GPAT4: variants seen among roughly 807,000 people sequenced by gnomAD.
GPAT4 encodes glycerol-3-phosphate acyltransferase 4.
Under a neutral mutation model 58.0 loss-of-function variants are expected in GPAT4, and 17 were observed. The ratio of observed to expected loss-of-function variants is 0.29; its 90% CI spans 0.20 to 0.44. The LOEUF (loss-of-function observed/expected upper bound fraction) is 0.44, where lower values mean the gene tolerates loss of function less well. GPAT4 is among the 20% of genes least tolerant of loss of function. GPAT4 has a pLI of 1.00. For missense variants in GPAT4, 377 were observed against 574.5 expected, an observed-to-expected ratio of 0.66 and a Z score of 3.51; for synonymous variants, 204 against 210.1, an observed-to-expected ratio of 0.97 and a Z score of 0.25.
chr8:41,621,126 C>A lies in GPAT4; in HGVS notation c.*125C>A. On this transcript the variant is annotated 3_prime_UTR_variant, in exon 13 of 13. Coordinates refer to ENST00000396987, the MANE Select transcript of GPAT4 (RefSeq NM_178819.4). Reference sequence around the variant, plus strand: ...AGGGCTCCCCGGGCTGCTCTGGATCCCAGGACTCCGGCTTTCGCCGAGCCG... The same window carrying A: ...AGGGCTCCCCGGGCTGCTCTGGATCACAGGACTCCGGCTTTCGCCGAGCCG... 9.6e-6 allele frequency: 13 copies of A among 1,361,230 alleles called. No individual in the cohort carries two copies. Among genetic ancestry groups the A allele is most frequent in the Non-Finnish European group, 1.3e-5 (13 of 1,012,334 alleles). The allele number at this position is 1,361,230 out of a possible 1,614,324, so 84.3% of individuals were successfully genotyped here. A position where few individuals can be genotyped will look rare whatever the true frequency, so the allele number is the denominator to read the frequency against.
intron 10 of GPAT4, among the ~76,000 whole-genome samples, chr8:41,617,868 G>A (rs576129063): frequency 1.6e-4 from 25 of 152,330 alleles, no homozygotes; most frequent in African/African-American, 6.0e-4. Context: ...CAGGCACTTT[G>A]TCCAGGCATT....
chr8:41,605,735 A>G (rs1424267155), intron 2 of GPAT4, among the ~76,000 whole-genome samples: 1 of 151,960 alleles, frequency 6.6e-6, no homozygotes, highest in Non-Finnish European at 1.5e-5. Flanking sequence ...ACCACACCTG[A>G]CTATTTTTGT....
intron 1 of GPAT4, among the ~76,000 whole-genome samples, chr8:41,582,675 G>GTC (rs1802554027): frequency 1.9e-5 from 1 of 53,616 alleles, no homozygotes; most frequent in Non-Finnish European, 4.2e-5. Context: ...GAGAGAGAGA[G>GTC]TGTGTGTGTG....
chr8:41,579,959 A>G (rs1307832891), intron 1 of GPAT4, among the ~76,000 whole-genome samples: 1 of 152,230 alleles, frequency 6.6e-6, no homozygotes, highest in Admixed American at 6.5e-5. Context: ...TGACTTGTCC[A>G]GAGCTGCAGG....
chr8:41,614,828 A>G, intron 9 of GPAT4, 135 bp from the exon 10 acceptor site: 1 of 712,006 alleles, frequency 1.4e-6, no homozygotes, highest in South Asian at 1.9e-5. Flanking sequence ...TTTTTAAGTT[A>G]GGGAGATGAC....
At position 41,622,528 on chromosome 8, in the gene GPAT4, G is replaced by C. The variant is rs1383857555; in HGVS notation, c.*1527G>C. 4.6e-5 allele frequency: 7 copies of C among 152,322 alleles called. No individual in the cohort carries two copies. The highest frequency in any genetic ancestry group is 1.7e-4 in the African/African-American group (7 of 41,460). The allele number at this position is 152,322 out of a possible 1,614,324, so 9.4% of individuals were successfully genotyped here. ...TCACTTGGGACCCATGCTCCCTCGT[G>C]GCACAGTCATGATGCCTCTCAGGAT... On this transcript the variant is annotated 3_prime_UTR_variant, in exon 13 of 13. Coordinates refer to ENST00000396987, the MANE Select transcript of GPAT4 (RefSeq NM_178819.4).
At chr8:41,613,602 G>C (rs1350339175) in intron 8 of GPAT4, among the ~76,000 whole-genome samples, 1 of 152,162 alleles carries the variant, frequency 6.6e-6, no homozygotes, top group Non-Finnish European at 1.5e-5. Flanking sequence ...TGAATCTGCT[G>C]TAAGTAATGC....
intron 2 of GPAT4, 147 bp from the exon 3 acceptor site, chr8:41,609,269 G>A (rs1803368504): frequency 2.5e-6 from 2 of 803,638 alleles, no homozygotes; most frequent in Non-Finnish European, 4.1e-6. Flanking sequence ...GGGAGAGGTG[G>A]TTTGAGTTTC....
chr8:41,620,841 C>T, intron 12 of GPAT4, 52 bp from the exon 13 acceptor site: 4 of 1,548,396 alleles, frequency 2.6e-6, no homozygotes, highest in South Asian at 1.2e-5. Flanking sequence ...ATGGTGTGAG[C>T]GTGGCTGGGA....
At chr8:41,619,217 C>G in intron 12 of GPAT4, 1 of 569,290 alleles carries the variant, frequency 1.8e-6, no homozygotes, top group Non-Finnish European at 3.1e-6. Context: ...GGGGTTTGAA[C>G]CAGTCTTCCA....
At chr8:41,579,076 A>C (rs765121576) in intron 1 of GPAT4, among the ~76,000 whole-genome samples, 1 of 152,238 alleles carries the variant, frequency 6.6e-6, no homozygotes, top group Non-Finnish European at 1.5e-5. Flanking sequence ...CATGTCTTGT[A>C]GATTCTATCT....
chr8:41,592,836 C>CTCCCCTT (rs1275776684), intron 1 of GPAT4, among the ~76,000 whole-genome samples: 4 of 152,172 alleles, frequency 2.6e-5, no homozygotes, highest in African/African-American at 9.7e-5. Flanking sequence ...AGGTCACACG[C>CTCCCCTT]TCCCCTTTTT....
At chr8:41,585,646 A>G (rs1443214868) in intron 1 of GPAT4, among the ~76,000 whole-genome samples, 3 of 152,316 alleles carry the variant, frequency 2.0e-5, no homozygotes, top group African/African-American at 4.8e-5. Flanking sequence ...ATTATTCCCA[A>G]TTTACAGATG....
At chr8:41,584,626 A>G (rs1212668169) in intron 1 of GPAT4, 1 of 152,238 alleles carries the variant, frequency 6.6e-6, no homozygotes, top group African/African-American at 2.4e-5. Flanking sequence ...CTCAGATTTC[A>G]AGAACTGGTA....
intron 1 of GPAT4, among the ~76,000 whole-genome samples, chr8:41,586,462 T>C (rs949254288): frequency 1.3e-5 from 2 of 152,234 alleles, no homozygotes; most frequent in African/African-American, 4.8e-5. Context: ...ATGGTAACTT[T>C]GTTTAACCAT....
In GPAT4 at chr8:41,611,975, C is replaced by T; in HGVS notation, c.684C>T (p.Ile228=). 1.2e-6 allele frequency: 2 copies of T among 1,614,178 alleles called. No individual in the cohort carries two copies. Among genetic ancestry groups the T allele is most frequent in the Non-Finnish European group, 1.7e-6 (2 of 1,180,026 alleles). The part of the protein sequence containing the change: ...YRICVRALTA[I]ITYHDRENRP... ...TCTGCGTGCGAGCGCTGACAGCCAT[C>T]ATCACCTACCATGACAGGTGAGAGC... Residue 228 remains isoleucine, a synonymous_variant, in exon 6 of 13, where the codon ATC becomes ATT. Coordinates refer to ENST00000396987, the MANE Select transcript of GPAT4 (RefSeq NM_178819.4).
At position 41,581,762 on chromosome 8, in the gene GPAT4, G is replaced by A. The variant is rs1802515679; in HGVS notation, c.-849+3484G>A. Among the ~76,000 whole-genome samples the A allele has an allele frequency of 2.0e-5, 3 of 150,628 alleles. No individual in the cohort carries two copies. In the South Asian group the frequency reaches 6.3e-4, roughly 31 times the overall value. On this transcript the variant is annotated intron_variant, in intron 1 of 12. Coordinates refer to ENST00000396987, the MANE Select transcript of GPAT4 (RefSeq NM_178819.4). ...TCCTGCCTTAGCCTCCTCAGTAGCT[G>A]GGATTACAGGCGCCTGCCACCACGC...
intron 10 of GPAT4, chr8:41,618,411 A>C: frequency 2.0e-6 from 1 of 498,968 alleles, no homozygotes. Context: ...ACCTGAAACT[A>C]ATCAAGGAGG....
chr8:41,612,805 A>G (rs777145697), intron 7 of GPAT4, 40 bp from the exon 8 acceptor site: 13 of 1,557,372 alleles, frequency 8.3e-6, no homozygotes, highest in Middle Eastern at 1.7e-4. Context: ...ATTCGTGTGA[A>G]GATGGCTTCA....
Sources: gnomAD v4.1 joint callset for allele counts (sites outside exome capture counted in the v4.1 genomes callset) on GRCh38, gnomAD v4.1.1 for gene constraint, MANE v1.5 for transcripts, NCBI Gene and HGNC (gene_info 2026-07-23, HGNC 2026-07-21) for gene names.